NKAIN2: variants seen among roughly 807,000 people sequenced by gnomAD.
NKAIN2 encodes sodium/potassium transporting ATPase interacting 2, also known as sodium/potassium-transporting ATPase subunit beta-1-interacting protein 2.
A neutral mutation model predicts 32.6 loss-of-function variants in NKAIN2; 14 were observed. The ratio of observed to expected loss-of-function variants is 0.43; its 90% confidence interval spans 0.28 to 0.67. The LOEUF (loss-of-function observed/expected upper bound fraction) is 0.67. Ranked by LOEUF, NKAIN2 falls within the 30% of genes least tolerant of loss-of-function variation. NKAIN2 has a pLI of 0.17. For missense variants in NKAIN2, 198 were observed against 258.3 expected, an observed-to-expected ratio of 0.77 and a Z score of 1.60; for synonymous variants, 80 against 87.2, an observed-to-expected ratio of 0.92 and a Z score of 0.46.
chr6:124,403,642 A>G (rs535132651), intron 3 of NKAIN2, among the ~76,000 whole-genome samples: 1 of 152,372 alleles, frequency 6.6e-6, no homozygotes, highest in African/African-American at 2.4e-5. Flanking sequence ...AGACACTAGT[A>G]AAATTAGAGT....
chr6:124,474,932 T>C (rs1486777832), intron 3 of NKAIN2, among the ~76,000 whole-genome samples: 1 of 147,916 alleles, frequency 6.8e-6, no homozygotes, highest in Non-Finnish European at 1.5e-5. Context: ...ATGCATTATA[T>C]AGGTATATAT....
rs191406040 is a variant in NKAIN2 at position 124,530,411 on chromosome 6, A to G, written c.274-127775A>G. ...ATCGATTAGGTTGAGACGGAGGAGGAAAAGGAGGTGGTCTTCCTGTCTCAG... is the reference window on the plus strand; with the variant it reads ...ATCGATTAGGTTGAGACGGAGGAGGGAAAGGAGGTGGTCTTCCTGTCTCAG... On this transcript the variant is annotated intron_variant, in intron 3 of 6. Coordinates refer to ENST00000368417, the MANE Select transcript of NKAIN2 (RefSeq NM_001040214.3). Among the ~76,000 whole-genome samples, 28 of 152,244 alleles carry G rather than the reference A, an allele frequency of 1.8e-4. No individual in the cohort carries two copies. The East Asian group carries it at 5.4e-3, about 30-fold the overall frequency.
At chr6:124,581,051 A>G (rs74901608) in intron 3 of NKAIN2, among the ~76,000 whole-genome samples, 7 of 152,230 alleles carry the variant, frequency 4.6e-5, no homozygotes, top group Non-Finnish European at 7.3e-5. Flanking sequence ...ATATTATTAG[A>G]GCTAAAGAGA....
At chr6:123,820,924 A>G (rs2114887530) in intron 1 of NKAIN2, among the ~76,000 whole-genome samples, 1 of 152,330 alleles carries the variant, frequency 6.6e-6, no homozygotes, top group Non-Finnish European at 1.5e-5. Context: ...TTAAAATTGC[A>G]GTTTTAGGCC....
intron 2 of NKAIN2, among the ~76,000 whole-genome samples, chr6:124,288,806 T>C (rs1795675418): frequency 6.6e-6 from 1 of 152,106 alleles, no homozygotes; most frequent in African/African-American, 2.4e-5. Context: ...TTGAATAAAA[T>C]ACTCAAAACA....
rs1796708284 is a variant in NKAIN2 at position 124,311,426 on chromosome 6, A to C, written c.192+28284A>C. Among the ~76,000 whole-genome samples the C allele has an allele frequency of 2.6e-5, 4 of 152,168 alleles. No individual in the cohort carries two copies. The South Asian group carries it at 8.3e-4, about 32-fold the overall frequency. ...CAAACCACCCTGTGGCCATGCGCTC[A>C]CATGCTTCCATTGTGTGGATATGCT... is the stretch of plus-strand genomic sequence containing the variant. On this transcript the variant is annotated intron_variant, in intron 2 of 6. Transcript: ENST00000368417.
chr6:123,804,326 G>T (rs1773124551), intron 1 of NKAIN2, 72 bp downstream of exon 1: 10 of 1,256,672 alleles, frequency 8.0e-6, no homozygotes, highest in Non-Finnish European at 1.2e-6. Context: ...GCAGCAAAGG[G>T]TCTGCCATTG....
chr6:123,959,051 C>T (rs533450178), intron 1 of NKAIN2, among the ~76,000 whole-genome samples: 36 of 152,108 alleles, frequency 2.4e-4, no homozygotes, highest in African/African-American at 6.3e-4. Flanking sequence ...GAGTATTTGG[C>T]GGCTAAGGAC....
At chr6:123,862,512 T>C (rs988688930) in intron 1 of NKAIN2, among the ~76,000 whole-genome samples, 24 of 152,154 alleles carry the variant, frequency 1.6e-4, no homozygotes, top group African/African-American at 5.3e-4. Flanking sequence ...TTCTTTCTTA[T>C]ACCCCTTTTG....
At chr6:124,147,551 T>G (rs749511497) in intron 1 of NKAIN2, among the ~76,000 whole-genome samples, 1 of 152,038 alleles carries the variant, frequency 6.6e-6, no homozygotes, top group African/African-American at 2.4e-5. Flanking sequence ...CAGAGAACCT[T>G]GAGAGTTGAT....
intron 4 of NKAIN2, among the ~76,000 whole-genome samples, chr6:124,697,792 T>C (rs1359765302): frequency 1.3e-5 from 2 of 152,208 alleles, no homozygotes; most frequent in East Asian, 1.9e-4. Context: ...TGTACTAGAA[T>C]ATATTCTCTA....
chr6:124,428,057 A>G (rs1775057697), intron 3 of NKAIN2, among the ~76,000 whole-genome samples: 3 of 152,120 alleles, frequency 2.0e-5, no homozygotes, highest in East Asian at 1.9e-4. Context: ...CTATGTCACT[A>G]TAGTGCTCTT....
chr6:124,675,322 A>G (rs1027380409), intron 4 of NKAIN2, among the ~76,000 whole-genome samples: 2 of 152,044 alleles, frequency 1.3e-5, no homozygotes, highest in Non-Finnish European at 2.9e-5. Context: ...GTAAACATCG[A>G]TGTTCATCAG....
At chr6:124,020,222 G>C (rs1468348133) in intron 1 of NKAIN2, among the ~76,000 whole-genome samples, 1 of 151,946 alleles carries the variant, frequency 6.6e-6, no homozygotes, top group Admixed American at 6.6e-5. Flanking sequence ...TGTGAAAATG[G>C]GTCATTCTGT....
chr6:124,610,500 C>T (rs1169418248), intron 3 of NKAIN2, among the ~76,000 whole-genome samples: 1 of 152,098 alleles, frequency 6.6e-6, no homozygotes, highest in East Asian at 1.9e-4. Context: ...GTGATACTGT[C>T]TATGCTGGTT....
chr6:124,100,224 A>C (rs1326900165), intron 1 of NKAIN2, among the ~76,000 whole-genome samples: 1 of 152,212 alleles, frequency 6.6e-6, no homozygotes, highest in Non-Finnish European at 1.5e-5. Context: ...GAATTAGCAG[A>C]TTTTGGGGAG....
At chr6:124,520,938 A>G (rs1779095173) in intron 3 of NKAIN2, among the ~76,000 whole-genome samples, 1 of 152,182 alleles carries the variant, frequency 6.6e-6, no homozygotes, top group South Asian at 2.1e-4. Context: ...GTTCATTGCT[A>G]GTATATAGAA....
chr6:124,329,050 G>A (rs951465049), intron 2 of NKAIN2, among the ~76,000 whole-genome samples: 4 of 152,172 alleles, frequency 2.6e-5, no homozygotes, highest in African/African-American at 9.7e-5. Context: ...TGCTGCAGAT[G>A]GTTGTGAGAA....
At chr6:124,758,924 A>T (rs1778087655) in intron 4 of NKAIN2, among the ~76,000 whole-genome samples, 1 of 152,170 alleles carries the variant, frequency 6.6e-6, no homozygotes, top group African/African-American at 2.4e-5. Context: ...TCTCAAGGGC[A>T]GTGTTTCCAA....
Sources: gnomAD v4.1 joint callset for allele counts (sites outside exome capture counted in the v4.1 genomes callset) on GRCh38, gnomAD v4.1.1 for gene constraint, MANE v1.5 for transcripts, NCBI Gene and HGNC (gene_info 2026-07-23, HGNC 2026-07-21) for gene names.